TMEM217: variants seen among roughly 807,000 people sequenced by gnomAD.
TMEM217 encodes the protein transmembrane protein 217, also known as chromosome 6 open reading frame 128.
For missense variants in TMEM217, 204 were observed against 248.8 expected, an observed-to-expected ratio of 0.82 and a Z score of 1.21; for synonymous variants, 76 against 88.3, an observed-to-expected ratio of 0.86 and a Z score of 0.78.
At chr6:37,222,407 G>C (rs1004092244) in intron 1 of TMEM217, among the ~76,000 whole-genome samples, 2 of 152,212 alleles carry the variant, frequency 1.3e-5, no homozygotes, top group Non-Finnish European at 2.9e-5. Flanking sequence ...GCAGACATCC[G>C]GGAGCCTGCA....
At chr6:37,246,433 G>C (rs376495786) in intron 1 of TMEM217, among the ~76,000 whole-genome samples, 11 of 152,138 alleles carry the variant, frequency 7.2e-5, no homozygotes, top group Admixed American at 5.9e-4. Context: ...GAGGCAAACT[G>C]TTACTTTTGC....
intron 1 of TMEM217, among the ~76,000 whole-genome samples, chr6:37,231,239 T>C (rs996297179): frequency 4.8e-5 from 7 of 146,620 alleles, no homozygotes; most frequent in Non-Finnish European, 1.1e-4. Flanking sequence ...TTTTTTTTTT[T>C]TTTTTTTTTT....
intron 1 of TMEM217, among the ~76,000 whole-genome samples, chr6:37,244,594 G>A (rs531696369): frequency 1.2e-4 from 18 of 152,268 alleles, no homozygotes; most frequent in African/African-American, 4.1e-4. Flanking sequence ...CCAACTCTTG[G>A]CTGATTTAAG....
chr6:37,250,694 C>T lies in TMEM217; in HGVS notation c.-12+6874G>A, dbSNP rs186528668. Among the ~76,000 whole-genome samples the T allele has an allele frequency of 5.9e-5, 9 of 152,372 alleles. No individual in the cohort carries two copies. In the South Asian group the frequency reaches 8.3e-4, roughly 14 times the overall value. ...CAACCAAGTATCTCTCTCAGGCGTGCGTGTGCACGCACACACACACGTGTA... is the reference window on the plus strand; with the variant it reads ...CAACCAAGTATCTCTCTCAGGCGTGTGTGTGCACGCACACACACACGTGTA... On this transcript the variant is annotated intron_variant, in intron 1 of 1. Coordinates refer to ENST00000357219, the Ensembl canonical transcript of TMEM217.
At chr6:37,226,281 C>CT (rs755752365) in intron 1 of TMEM217, among the ~76,000 whole-genome samples, 1,793 of 74,884 alleles carry the variant, frequency 0.024, 586 homozygotes, top group African/African-American at 0.028. Context: ...TTGAGACAGT[C>CT]TTTTTTTTTT....
chr6:37,234,684 C>T (rs769633015), intron 1 of TMEM217, among the ~76,000 whole-genome samples: 57 of 151,884 alleles, frequency 3.8e-4, no homozygotes, highest in Non-Finnish European at 6.9e-4. Context: ...TGCACTGAGC[C>T]GAGATGGTGC....
chr6:37,246,375 G>T (rs889417057), intron 1 of TMEM217, among the ~76,000 whole-genome samples: 3 of 152,174 alleles, frequency 2.0e-5, no homozygotes, highest in Admixed American at 6.5e-5. Context: ...CCCAGGGCAT[G>T]CTCTTCTCAT....
chr6:37,233,810 C>T (rs148444677), intron 1 of TMEM217, among the ~76,000 whole-genome samples: 2 of 152,320 alleles, frequency 1.3e-5, no homozygotes, highest in East Asian at 3.9e-4. Context: ...AAGTCCCTAA[C>T]TAACTTAAGT....
chr6:37,257,799 G>A, exon 1 of TMEM217: 2 of 1,118,440 alleles, frequency 1.8e-6, no homozygotes, highest in Non-Finnish European at 1.3e-6. Context: ...CCCAGGAGCT[G>A]GGAGCGGGTG....
At chr6:37,254,602 T>G (rs982825136) in intron 1 of TMEM217, among the ~76,000 whole-genome samples, 2 of 152,228 alleles carry the variant, frequency 1.3e-5, no homozygotes, top group African/African-American at 4.8e-5. Context: ...AAACACTGTT[T>G]CTATCATCTT....
intron 1 of TMEM217, among the ~76,000 whole-genome samples, chr6:37,246,323 T>C (rs1269649314): frequency 1.3e-5 from 2 of 152,006 alleles, no homozygotes; most frequent in Non-Finnish European, 2.9e-5. Context: ...TGGATTTTTG[T>C]CTGCTCCCAC....
At chr6:37,229,974 A>C (rs1764104604) in intron 1 of TMEM217, among the ~76,000 whole-genome samples, 1 of 152,224 alleles carries the variant, frequency 6.6e-6, no homozygotes, top group Non-Finnish European at 1.5e-5. Flanking sequence ...CTAGGGAAGA[A>C]TCCCCTTCTA....
At chr6:37,248,737 A>T (rs1412576604) in intron 1 of TMEM217, among the ~76,000 whole-genome samples, 1 of 152,230 alleles carries the variant, frequency 6.6e-6, no homozygotes, top group African/African-American at 2.4e-5. Flanking sequence ...GGGGAGCAGA[A>T]ATAGGTGGCA....
At chr6:37,246,565 CCCTGCTGTG>C (rs1765096074) in intron 1 of TMEM217, among the ~76,000 whole-genome samples, 1 of 152,262 alleles carries the variant, frequency 6.6e-6, no homozygotes, top group Non-Finnish European at 1.5e-5. Context: ...TGGCTTCTGA[CCCTGCTGTG>C]CCATTAGGGT....
intron 1 of TMEM217, among the ~76,000 whole-genome samples, chr6:37,220,428 C>G (rs1437251209): frequency 1.3e-5 from 2 of 152,090 alleles, no homozygotes; most frequent in East Asian, 3.8e-4. Context: ...AAAGGTGAAT[C>G]AGAAGTAAAC....
chr6:37,227,722 T>A (rs1398322291), intron 1 of TMEM217, among the ~76,000 whole-genome samples: 4 of 152,094 alleles, frequency 2.6e-5, no homozygotes, highest in Non-Finnish European at 4.4e-5. Context: ...GTGCTGGGAT[T>A]ACAGGTATGA....
exon 1 of TMEM217, chr6:37,257,699 G>T: frequency 1.8e-6 from 1 of 542,980 alleles, no homozygotes; most frequent in Non-Finnish European, 3.2e-6. Flanking sequence ...CAGGATTCCG[G>T]CTCCCAATTG....
At chr6:37,248,667 C>A in intron 1 of TMEM217, among the ~76,000 whole-genome samples, 1 of 152,156 alleles carries the variant, frequency 6.6e-6, no homozygotes, top group East Asian at 1.9e-4. Context: ...TACTAGGAGT[C>A]TCTTTAAGAA....
At chr6:37,258,119 T>C in exon 1 of TMEM217, 1 of 904,394 alleles carries the variant, frequency 1.1e-6, no homozygotes, top group South Asian at 1.9e-5. Context: ...AGGGCAGCTG[T>C]CAGGCAGCGA....
Sources: allele counts gnomAD v4.1 joint callset (sites outside exome capture counted in the v4.1 genomes callset), GRCh38; gene constraint gnomAD v4.1.1; transcripts MANE v1.5; gene names NCBI Gene and HGNC (gene_info 2026-07-23, HGNC 2026-07-21).